PLEC: variants seen among roughly 807,000 people sequenced by gnomAD.
The protein encoded by PLEC is hemidesmosomal protein 1.
In PLEC, 216 loss-of-function variants were observed where a neutral mutation model predicts 392.8. The ratio of observed to expected loss-of-function variants is 0.55; its 90% CI spans 0.49 to 0.62. The LOEUF (loss-of-function observed/expected upper bound fraction) is 0.62. Ranked by LOEUF, PLEC falls within the 20% of genes least tolerant of loss-of-function variation. PLEC has a pLI of 0.00. For synonymous variants in PLEC, 3,621 were observed against 2,980.6 expected, an observed-to-expected ratio of 1.21 and a Z score of -7.00; for missense variants, 6,863 against 6,563.4, an observed-to-expected ratio of 1.05 and a Z score of -1.58.
In PLEC at chr8:143,930,575, G is replaced by A; in HGVS notation, c.2305-39C>T. On this transcript the variant is annotated intron_variant, in intron 19 of 31. Transcript: ENST00000345136. ...GCAGCATCCAGACGAGGGCCATGGA[G>A]ACCCACAGGCCTGCCCCAGGCACCC... 1.9e-6 allele frequency: 3 copies of A among 1,558,280 alleles called. No homozygotes were observed. The Middle Eastern group carries it at 5.0e-4, about 261-fold the overall frequency.
At chr8:143,952,829 T>C (rs1832327826), upstream of PLEC, among the ~76,000 whole-genome samples, 1 of 151,078 alleles carries the variant, frequency 6.6e-6, no homozygotes, top group South Asian at 2.1e-4. Context: ...GAAAGGGCGG[T>C]AGCTTCCTCC....
rs1432347548 is a variant in PLEC at position 143,925,554 on chromosome 8, G to A, written c.4375C>T (p.Leu1459=). 2.5e-6 allele frequency: 4 copies of A among 1,591,244 alleles called. No homozygotes were observed. Among genetic ancestry groups the A allele is most frequent in the Admixed American group, 1.7e-5 (1 of 59,322 alleles). The change falls in exon 31 of 32, where the codon CTG becomes TTG. Residue 1459 remains leucine, a synonymous_variant. Transcript: ENST00000345136. ...TGGCGCTCGGTGGCCTCCAACTGCA[G>A]GCGCACCACGCGGATCTCCTCCTCG... ...RIEEEIRVVR[L]QLEATERQRG...
At chr8:143,973,656 G>C (rs1271141271), upstream of PLEC, 22 of 460,756 alleles carry the variant, frequency 4.8e-5, no homozygotes, top group Non-Finnish European at 6.0e-5. This position sits in a 1 kb window ranked among gnomAD's most constrained non-coding sequence, Gnocchi z 5.6. Context: ...AGGGAGCCGC[G>C]TCTGGGCCCC....
intron 1 of PLEC, among the ~76,000 whole-genome samples, chr8:143,960,899 C>T (rs1333246200): frequency 6.6e-6 from 1 of 152,206 alleles, no homozygotes; most frequent in Non-Finnish European, 1.5e-5. Context: ...ACGGTGAAAT[C>T]TTCCGGGCAC....
In PLEC at chr8:143,972,227, C is replaced by G. The variant is rs188339943; in HGVS notation, c.70+1176G>C. 4.3e-3 allele frequency among the ~76,000 whole-genome samples: 658 copies of G among 152,338 alleles called. 4 individuals carry two copies. The highest frequency in any genetic ancestry group is 0.015 in the African/African-American group (636 of 41,592). ...GCTTCCCTGCCCTATACCCCAGCAC[C>G]CCTCCGGGTGCTCCCTCTAAGGCAG... is the stretch of plus-strand genomic sequence containing the variant. On this transcript the variant is annotated intron_variant, in intron 1 of 31. Coordinates refer to the PLEC transcript ENST00000356346.
rs782818956 is a variant in PLEC, at chr8:143,916,602, G to C, written c.13219C>G (p.Pro4407Ala). ...LIEPDTPGRV[P>A]LDEALQRGTV... is the part of the protein sequence containing the mutation. ...CCGCGCTGCAGGGCCTCGTCCAGGG[G>C]CACGCGGCCCGGCGTGTCGGGCTCG... is the stretch of plus-strand genomic sequence containing the variant. The change falls in exon 32 of 32, where the codon CCC becomes GCC. Residue 4407 changes from proline (P) to alanine (A), a missense_variant. Transcript: ENST00000345136. The C allele has an allele frequency of 4.3e-6, 7 of 1,609,960 alleles. No individual in the cohort carries two copies. In the African/African-American group the frequency reaches 9.3e-5, roughly 22 times the overall value.
rs368736773 is a variant in PLEC, at chr8:143,932,093, C to G, written c.2082+37G>C. The G allele has an allele frequency of 1.1e-3, 1,767 of 1,579,472 alleles. 20 individuals are homozygous for G. The South Asian group carries it at 0.016, about 14-fold the overall frequency. ...GCCCCGCCTGGGGACCCGGCACGGC[C>G]CCCCCCGCAGCCCCGCCCCTACCCA... is the stretch of plus-strand genomic sequence containing the variant. On this transcript the variant is annotated intron_variant, in intron 17 of 31. Transcript: ENST00000345136.
Position 143,921,544 on chromosome 8 carries a change from C to T in PLEC, c.8277G>A (p.Val2759=), listed in dbSNP as rs549065629. The change falls in exon 32 of 32, where the codon GTG becomes GTA. Residue 2759 remains valine (V), a synonymous_variant. Transcript: ENST00000345136. ...GCAGCTTGTGGTGCAGCTCGGGGCC[C>T]ACCACACCCTCCTTCACAGCCTCGT... ...TVNEAVKEGV[V]GPELHHKLLS... is the part of the protein sequence containing the mutation. The T allele has an allele frequency of 1.0e-4, 165 of 1,612,768 alleles. 1 individual carries two copies. The South Asian group carries it at 1.8e-3, about 17-fold the overall frequency.
At position 143,923,915 on chromosome 8, in the gene PLEC, T is replaced by G. The variant is rs782085407; in HGVS notation, c.6014A>C (p.Lys2005Thr). 1 of 1,595,158 alleles carries G rather than the reference T, an allele frequency of 6.3e-7. No individual in the cohort carries two copies. Among genetic ancestry groups the G allele is most frequent in the South Asian group, 1.1e-5 (1 of 90,774 alleles). Residue 2005 changes from lysine to threonine, a missense_variant, in exon 31 of 32, where the codon AAG (lysine) becomes ACG (threonine). By Grantham distance (78) the Lys-to-Thr change is moderately conservative (BLOSUM62 -1). Transcript: ENST00000345136. ...CCGCTCGACTTCCTCCAGCGCCGCC[T>G]TCCGCTGCCGTGCGGCCTCCTCCTC... ...AAEEEAARQR[K>T]AALEEVERLK...
rs1051175506 is a variant in PLEC at position 143,915,529 on chromosome 8, G to C, written c.*648C>G. ...GGCTGGAACGTCCGCCTCCCCACTG[G>C]GTCTGGGTCCTCGGGGCCTGGGGTT... On this transcript the variant is annotated 3_prime_UTR_variant, in exon 32 of 32. Transcript: ENST00000345136. 24 of 152,608 alleles carry C rather than the reference G, an allele frequency of 1.6e-4. No homozygotes were observed. Among genetic ancestry groups the C allele is most frequent in the African/African-American group, 5.3e-4 (22 of 41,564 alleles). The allele number at this position is 152,608 out of a possible 1,614,324, so 9.5% of individuals were successfully genotyped here.
intron 1 of PLEC, among the ~76,000 whole-genome samples, chr8:143,971,770 C>T (rs920610202): frequency 6.6e-6 from 1 of 152,166 alleles, no homozygotes; most frequent in Admixed American, 6.5e-5. Flanking sequence ...GTGACAACTC[C>T]ACTTCAGGCA....
At chr8:143,934,761 C>T (rs1554721344) in intron 9 of PLEC, 31 bp from the exon 10 acceptor site, 3 of 1,612,220 alleles carry the variant, frequency 1.9e-6, no homozygotes, top group Admixed American at 3.3e-5. Context: ...GGCAACCACG[C>T]CGGGCTCTCA....
chr8:143,935,407 G>A (rs1828761816), intron 6 of PLEC, 94 bp from the exon 7 acceptor site: 2 of 833,634 alleles, frequency 2.4e-6, no homozygotes, highest in Non-Finnish European at 4.0e-6. Flanking sequence ...ACACATCCCA[G>A]CAACCATGGA....
chr8:143,918,143 G>A lies in PLEC; in HGVS notation c.11678C>T (p.Thr3893Ile), dbSNP rs1554674128. The change falls in exon 32 of 32, where the codon ACC becomes ATC. Residue 3893 changes from threonine (T) to isoleucine (I), a missense_variant. Thr to Ile is a moderately conservative substitution (Grantham distance 89). Coordinates refer to ENST00000345136, the MANE Select transcript of PLEC (RefSeq NM_201384.3). ...LTFRGLRKQI[T>I]MEELVRSQVM... The stretch of plus-strand genomic sequence containing the variant: ...CTGCGAGCGCACCAGCTCCTCCATG[G>A]TGATCTGCTTCCGCAGGCCACGGAA... The A allele has an allele frequency of 1.3e-6, 2 of 1,599,356 alleles. No individual in the cohort carries two copies. The highest frequency in any genetic ancestry group is 1.7e-6 in the Non-Finnish European group (2 of 1,179,324).
In PLEC at chr8:143,922,197, C is replaced by G. The variant is rs782086131; in HGVS notation, c.7624G>C (p.Glu2542Gln). The change falls in exon 32 of 32, where the codon GAG (glutamate) becomes CAG (glutamine). Residue 2542 changes from glutamate to glutamine, a missense_variant. By Grantham distance (29) the Glu-to-Gln change is conservative (BLOSUM62 2). Transcript: ENST00000345136. Reference protein sequence around the residue: ...EEQQRQQQQMEQERQRLVASM... With the variant: ...EEQQRQQQQMQQERQRLVASM... The stretch of plus-strand genomic sequence containing the variant: ...GCCACCAGCCGCTGCCGTTCCTGCT[C>G]CATCTGCTGCTGCTGCCGCTGCTGC... 10 of 1,551,258 alleles carry G rather than the reference C, an allele frequency of 6.4e-6. No homozygotes were observed. In the South Asian group the frequency reaches 1.0e-4, roughly 16 times the overall value.
rs1820540280 is a variant in PLEC at position 143,916,356 on chromosome 8, A to C, written c.13465T>G (p.Ser4489Ala). ...GAGCCGGTGCGCGAGCCGGTGCGGG[A>C]GCCAGCGGTAGAGCCGGAGCCGCTG... Reference protein sequence around the residue: ...SVSGSGSTAGSRTGSRTGSRA... With the variant: ...SVSGSGSTAGARTGSRTGSRA... The change falls in exon 32 of 32, where the codon TCC (serine) becomes GCC (alanine). Residue 4489 changes from serine (S) to alanine (A), a missense_variant. Ser to Ala is a moderately conservative substitution (Grantham distance 99). Transcript: ENST00000345136. 1.9e-6 allele frequency: 3 copies of C among 1,606,120 alleles called. No homozygotes were observed. The South Asian group carries it at 3.3e-5, about 18-fold the overall frequency.
chr8:143,942,595 C>T, upstream of PLEC: 1 of 1,452,248 alleles, frequency 6.9e-7, no homozygotes, highest in African/African-American at 1.5e-5. Flanking sequence ...GCTTCCAGCC[C>T]ACGCTGCGAG....
At position 143,916,172 on chromosome 8, in the gene PLEC, C is replaced by A. The variant is rs1554668118; in HGVS notation, c.*5G>T. 6.5e-7 allele frequency: 1 copy of A among 1,532,108 alleles called. No homozygotes were observed. The highest frequency in any genetic ancestry group is 8.8e-7 in the Non-Finnish European group (1 of 1,139,558). 94.9% of individuals were successfully genotyped at this position (1,532,108 alleles called of 1,614,324 possible). ...GCATGCAGAGCGGGGTGGGCGCAGG[C>A]AGCCTCAGGCCACGGCAGACTCAGG... On this transcript the variant is annotated 3_prime_UTR_variant, in exon 32 of 32. Transcript: ENST00000345136.
chr8:143,921,571 G>A lies in PLEC; in HGVS notation c.8250C>T (p.Val2750=), dbSNP rs1554686276. 1.2e-6 allele frequency: 2 copies of A among 1,612,378 alleles called. No homozygotes were observed. Among genetic ancestry groups the A allele is most frequent in the East Asian group, 2.2e-5 (1 of 44,870 alleles). The change falls in exon 32 of 32, where the codon GTC becomes GTT. Residue 2750 remains valine (V), a synonymous_variant. Coordinates refer to ENST00000345136, the MANE Select transcript of PLEC (RefSeq NM_201384.3). ...CCACACCCTCCTTCACAGCCTCGTT[G>A]ACGGTCAGCCGCCGGTTCCGCACAG... is the stretch of plus-strand genomic sequence containing the variant. The part of the protein sequence containing the change: ...LDPVRNRRLT[V]NEAVKEGVVG...
Sources: gnomAD v4.1 joint callset for allele counts (sites outside exome capture counted in the v4.1 genomes callset) on GRCh38, gnomAD v4.1.1 for gene constraint, Gnocchi (gnomAD v3.1) non-coding constraint, MANE v1.5 for transcripts, NCBI Gene and HGNC (gene_info 2026-07-23, HGNC 2026-07-21) for gene names.